IMMP2L: variants seen among roughly 807,000 people sequenced by gnomAD.
IMMP2L encodes the protein inner mitochondrial membrane peptidase subunit 2.
A neutral mutation model predicts 19.3 loss-of-function variants in IMMP2L; 18 were observed. That is an observed-to-expected ratio of 0.93 (90% CI 0.64 to 1.38). The LOEUF is 1.38. Ranked by LOEUF, IMMP2L falls within the 40% of genes most tolerant of loss-of-function variation. The probability of loss-of-function intolerance (pLI) is 0.00; values close to 1 mark genes in which losing one functional copy is unlikely to be tolerated. For synonymous variants in IMMP2L, 76 were observed against 73.0 expected, an observed-to-expected ratio of 1.04 and a Z score of -0.21; for missense variants, 233 against 218.2, an observed-to-expected ratio of 1.07 and a Z score of -0.43.
At chr7:111,034,394 T>A (rs919222193) in intron 3 of IMMP2L, among the ~76,000 whole-genome samples, 1 of 152,136 alleles carries the variant, frequency 6.6e-6, no homozygotes, top group Non-Finnish European at 1.5e-5. Flanking sequence ...AAGGCATTAA[T>A]TATACAAGAT....
At chr7:110,948,304 C>T (rs1257628061) in intron 4 of IMMP2L, among the ~76,000 whole-genome samples, 1 of 152,128 alleles carries the variant, frequency 6.6e-6, no homozygotes. Flanking sequence ...ACTGCTTGTT[C>T]CTGACACTAT....
At chr7:110,841,217 T>C (rs1186293947) in intron 5 of IMMP2L, among the ~76,000 whole-genome samples, 4 of 152,018 alleles carry the variant, frequency 2.6e-5, no homozygotes, top group Admixed American at 1.3e-4. Flanking sequence ...TTGATATATA[T>C]ATACCCATAG....
At chr7:111,215,144 G>A (rs936698158) in intron 3 of IMMP2L, among the ~76,000 whole-genome samples, 13 of 152,052 alleles carry the variant, frequency 8.5e-5, no homozygotes, top group African/African-American at 3.1e-4. Flanking sequence ...CAACCACACA[G>A]AGACATTATA....
rs566317000 is a variant in IMMP2L at position 111,070,521 on chromosome 7, C to T, written c.240-106956G>A. ...GGAACTTATGATTGGATATTTTTGACTAAGAAAATAAGGAAGATTGATAAA... is the reference window on the plus strand; with the variant it reads ...GGAACTTATGATTGGATATTTTTGATTAAGAAAATAAGGAAGATTGATAAA... On this transcript the variant is annotated intron_variant, in intron 3 of 5. Transcript: ENST00000405709. Among the ~76,000 whole-genome samples, 4 of 152,012 alleles carry T rather than the reference C, an allele frequency of 2.6e-5. No homozygotes were observed. The East Asian group carries it at 7.7e-4, about 29-fold the overall frequency.
chr7:111,413,159 C>A (rs1834595310), intron 3 of IMMP2L, among the ~76,000 whole-genome samples: 1 of 152,018 alleles, frequency 6.6e-6, no homozygotes, highest in Non-Finnish European at 1.5e-5. Flanking sequence ...TTAAAAGACA[C>A]AAATTATAAA....
intron 4 of IMMP2L, among the ~76,000 whole-genome samples, chr7:110,928,386 C>G (rs866243390): frequency 0.012 from 1,760 of 148,452 alleles, 37 homozygotes; most frequent in African/African-American, 0.041. Flanking sequence ...CACACACACA[C>G]ACACACACAC....
chr7:111,249,342 G>A (rs985476533), intron 3 of IMMP2L, among the ~76,000 whole-genome samples: 6 of 141,202 alleles, frequency 4.2e-5, no homozygotes, highest in Admixed American at 2.2e-4. Flanking sequence ...GACCCCTTGC[G>A]CTTCCCAGGT....
intron 3 of IMMP2L, among the ~76,000 whole-genome samples, chr7:111,479,304 G>A (rs1432708035): frequency 2.0e-5 from 3 of 151,906 alleles, no homozygotes; most frequent in East Asian, 1.9e-4. Context: ...TCTTGGTAGT[G>A]CTCCAATGCC....
intron 3 of IMMP2L, chr7:111,411,315 T>C: frequency 4.7e-6 from 1 of 214,398 alleles, no homozygotes; most frequent in South Asian, 6.6e-5. Context: ...GGCAAAGATG[T>C]CATTACCGAT....
chr7:111,258,744 G>T (rs566353093), intron 3 of IMMP2L, among the ~76,000 whole-genome samples: 1 of 152,062 alleles, frequency 6.6e-6, no homozygotes, highest in East Asian at 1.9e-4. Flanking sequence ...GACCTCAAGC[G>T]ATCTGCCCGC....
intron 5 of IMMP2L, among the ~76,000 whole-genome samples, chr7:110,781,283 A>G (rs1361237368): frequency 1.3e-5 from 2 of 151,930 alleles, no homozygotes; most frequent in Non-Finnish European, 2.9e-5. Flanking sequence ...TAAAACATCT[A>G]TATCCACGAT....
intron 5 of IMMP2L, among the ~76,000 whole-genome samples, chr7:110,850,695 CAAAATTCTTAGTA>C (rs1282117102): frequency 6.7e-6 from 1 of 148,424 alleles, no homozygotes; most frequent in African/African-American, 2.5e-5. Context: ...AGTAAAAAAT[CAAAATTCTTAGTA>C]AAAAAAAAAA....
At chr7:111,241,648 G>A (rs1421519428) in intron 3 of IMMP2L, among the ~76,000 whole-genome samples, 1 of 151,196 alleles carries the variant, frequency 6.6e-6, no homozygotes, top group Non-Finnish European at 1.5e-5. Flanking sequence ...AAGTACCAAG[G>A]GTCTAGCCAA....
intron 3 of IMMP2L, among the ~76,000 whole-genome samples, chr7:111,339,319 A>G (rs565105391): frequency 6.6e-6 from 1 of 152,088 alleles, no homozygotes; most frequent in African/African-American, 2.4e-5. Flanking sequence ...AGTAAAGGGA[A>G]GATAGTTATT....
chr7:111,079,369 G>A (rs962825817), intron 3 of IMMP2L, among the ~76,000 whole-genome samples: 2 of 151,848 alleles, frequency 1.3e-5, no homozygotes, highest in Non-Finnish European at 2.9e-5. Context: ...CACCCACCTC[G>A]GCCTCCCAAA....
At chr7:111,551,496 GT>G (rs1849454188) in intron 1 of IMMP2L, among the ~76,000 whole-genome samples, 5 of 3,520 alleles carry the variant, frequency 1.4e-3, no homozygotes, top group Non-Finnish European at 6.9e-3. Context: ...ACTGTTAGAG[GT>G]GTGTGTGTGT....
At chr7:110,840,264 C>T (rs568507265) in intron 5 of IMMP2L, among the ~76,000 whole-genome samples, 4 of 152,176 alleles carry the variant, frequency 2.6e-5, no homozygotes, top group African/African-American at 7.2e-5. Flanking sequence ...TTCGCCATCC[C>T]GGTTTTCTGT....
chr7:110,774,273 C>G (rs1799233092), intron 5 of IMMP2L, among the ~76,000 whole-genome samples: 1 of 152,060 alleles, frequency 6.6e-6, no homozygotes, highest in South Asian at 2.1e-4. Flanking sequence ...TGATCATGCT[C>G]TCTGGTTGGC....
At chr7:110,742,205 G>A (rs890225356) in intron 5 of IMMP2L, among the ~76,000 whole-genome samples, 1 of 152,056 alleles carries the variant, frequency 6.6e-6, no homozygotes, top group Non-Finnish European at 1.5e-5. Context: ...TTGTATATTT[G>A]CTTCAAATGG....
Sources: allele counts gnomAD v4.1 joint callset (sites outside exome capture counted in the v4.1 genomes callset), GRCh38; gene constraint gnomAD v4.1.1; transcripts MANE v1.5; gene names NCBI Gene and HGNC (gene_info 2026-07-23, HGNC 2026-07-21).